The following MAGI2 variants were observed in gnomAD, a reference collection of about 807,000 sequenced individuals.
MAGI2 encodes the protein membrane-associated guanylate kinase, WW and PDZ domain-containing protein 2.
In MAGI2, 35 loss-of-function variants were observed where a neutral mutation model predicts 133.3. The observed-to-expected ratio is 0.26, with a 90% CI of 0.20 to 0.35. MAGI2 has a LOEUF of 0.35. Ranked by LOEUF, MAGI2 falls within the 10% of genes least tolerant of loss-of-function variation. The pLI, the probability that MAGI2 is intolerant of heterozygous loss-of-function variation, is 1.00. For synonymous variants in MAGI2, 729 were observed against 710.6 expected (o/e 1.03, Z -0.41); for missense variants, 1,636 against 1,863.4 (o/e 0.88, Z 2.25).
rs137889663 is a variant in MAGI2 at position 79,093,016 on chromosome 7, A to C, written c.302-85810T>G. ...GAAAACTCATAGTTGGCAAAAGATT[A>C]TTATGTCTTTAGATCAGGTATTATA... On this transcript the variant is annotated intron_variant, in intron 1 of 21. Coordinates refer to ENST00000354212, the MANE Select transcript of MAGI2 (RefSeq NM_012301.4). Among the ~76,000 whole-genome samples the C allele has an allele frequency of 3.0e-3, 454 of 152,322 alleles. 4 individuals carry two copies. Among genetic ancestry groups the C allele is most frequent in the African/African-American group, 0.01 (429 of 41,582 alleles).
rs1410995490 is a variant in MAGI2 at position 79,378,411 on chromosome 7, A to ATT, written c.301+74608_301+74609insAA. Among the ~76,000 whole-genome samples, 1,287 of 151,880 alleles carry ATT rather than the reference A, an allele frequency of 8.5e-3. 12 individuals are homozygous for ATT. Among genetic ancestry groups the ATT allele is most frequent in the African/African-American group, 0.03 (1,235 of 41,500 alleles). On this transcript the variant is annotated intron_variant, in intron 1 of 21. Transcript: ENST00000354212. ...GGACACTGAGATACTGGGAGGACAG[A>ATT]TGGCTTGACCAAAGTCATACAACTA...
intron 3 of MAGI2, among the ~76,000 whole-genome samples, chr7:78,582,412 G>T (rs1478409815): frequency 7.2e-5 from 11 of 152,152 alleles, no homozygotes; most frequent in Admixed American, 7.2e-4. Context: ...TAAAAGAAGG[G>T]AACAATTGCA....
chr7:79,198,177 C>T (rs1828258802), intron 1 of MAGI2, among the ~76,000 whole-genome samples: 2 of 151,866 alleles, frequency 1.3e-5, no homozygotes, highest in Non-Finnish European at 2.9e-5. Context: ...CACTTTAGCT[C>T]AGAAAGTTGA....
At chr7:79,178,046 A>G (rs1354042964) in intron 1 of MAGI2, among the ~76,000 whole-genome samples, 2 of 151,978 alleles carry the variant, frequency 1.3e-5, no homozygotes, top group Non-Finnish European at 2.9e-5. Context: ...TCCATCTATC[A>G]TATCTTCAAA....
At chr7:78,857,052 T>G (rs562465327) in intron 2 of MAGI2, among the ~76,000 whole-genome samples, 136 of 152,292 alleles carry the variant, frequency 8.9e-4, no homozygotes, top group African/African-American at 3.0e-3. Flanking sequence ...GGCTCTCTGT[T>G]TGTCTGTTAT....
rs187459057 is a variant in MAGI2 at position 78,612,917 on chromosome 7, G to A, written c.538+14203C>T. 6.7e-3 allele frequency among the ~76,000 whole-genome samples: 1,024 copies of A among 152,166 alleles called. 12 individuals carry two copies. The highest frequency in any genetic ancestry group is 0.018 in the African/African-American group (750 of 41,518). On this transcript the variant is annotated intron_variant, in intron 3 of 21. Transcript: ENST00000354212. ...GATCTCCTGACCTCGTGATCCGCCC[G>A]CCTCGGCCTCCCAAAGTGCTGGGAT...
At chr7:79,427,035 A>G (rs1311419995) in intron 1 of MAGI2, among the ~76,000 whole-genome samples, 1 of 152,174 alleles carries the variant, frequency 6.6e-6, no homozygotes, top group Non-Finnish European at 1.5e-5. Flanking sequence ...AAACTATAAA[A>G]TATTGTTATG....
chr7:79,275,621 A>G (rs138616037), intron 1 of MAGI2, among the ~76,000 whole-genome samples: 5 of 152,330 alleles, frequency 3.3e-5, no homozygotes, highest in African/African-American at 9.6e-5. Flanking sequence ...AGACAAAAAT[A>G]GCCTATTGGA....
intron 1 of MAGI2, among the ~76,000 whole-genome samples, chr7:79,376,579 C>T (rs1843392713): frequency 6.6e-6 from 1 of 151,740 alleles, no homozygotes; most frequent in African/African-American, 2.4e-5. Context: ...ATGTCAATGA[C>T]TAATGGGTGG....
intron 4 of MAGI2, chr7:78,519,104 G>A (rs114679176): frequency 0.09 from 12,776 of 142,338 alleles, 635 homozygotes; most frequent in Non-Finnish European, 0.12. Context: ...TGAAGAACAC[G>A]AAGGCAGGGC....
At chr7:79,079,919 TCTC>T (rs1276241841) in intron 1 of MAGI2, among the ~76,000 whole-genome samples, 2 of 152,144 alleles carry the variant, frequency 1.3e-5, no homozygotes, top group African/African-American at 4.8e-5. Context: ...GCTTTAGTCT[TCTC>T]CTTTAAAAAT....
At chr7:78,042,610 A>G (rs1022538784) in intron 21 of MAGI2, among the ~76,000 whole-genome samples, 4 of 152,246 alleles carry the variant, frequency 2.6e-5, no homozygotes, top group African/African-American at 7.2e-5. Context: ...TATTAGCAAA[A>G]TGTGAGTGAG....
intron 4 of MAGI2, among the ~76,000 whole-genome samples, chr7:78,514,044 C>G (rs189137170): frequency 7.2e-6 from 1 of 137,972 alleles, no homozygotes; most frequent in Non-Finnish European, 1.5e-5. Flanking sequence ...GCTGAGATCA[C>G]TCCATTACAC....
intron 9 of MAGI2, among the ~76,000 whole-genome samples, chr7:78,275,629 C>T (rs1794986092): frequency 6.6e-6 from 1 of 152,154 alleles, no homozygotes; most frequent in Admixed American, 6.5e-5. Flanking sequence ...AGGTCATAAA[C>T]ATCTAATATG....
rs142069876 is a variant in MAGI2 at position 79,300,922 on chromosome 7, C to G, written c.301+152098G>C. On this transcript the variant is annotated intron_variant, in intron 1 of 21. Coordinates refer to ENST00000354212, the MANE Select transcript of MAGI2 (RefSeq NM_012301.4). Reference sequence around the variant, plus strand: ...GCCTTAGCTCAAGGGGGTCCAGGTACAGCTCAGGCTGCAGCTCCAGAGGGT... The same window carrying G: ...GCCTTAGCTCAAGGGGGTCCAGGTAGAGCTCAGGCTGCAGCTCCAGAGGGT... Among the ~76,000 whole-genome samples the G allele has an allele frequency of 1.9e-3, 296 of 152,356 alleles. 1 individual carries two copies. Among genetic ancestry groups the G allele is most frequent in the East Asian group, 0.011 (58 of 5,174 alleles).
chr7:78,070,872 C>T (rs1274217415), intron 21 of MAGI2, among the ~76,000 whole-genome samples: 3 of 151,842 alleles, frequency 2.0e-5, no homozygotes, highest in African/African-American at 7.3e-5. Flanking sequence ...GGGGTTTCAC[C>T]ATGTTGGCCA....
chr7:78,338,270 T>C (rs571247849), intron 9 of MAGI2, among the ~76,000 whole-genome samples: 1 of 152,290 alleles, frequency 6.6e-6, no homozygotes, highest in South Asian at 2.1e-4. Flanking sequence ...CCGCTTTTTC[T>C]AGGCATTTCT....
intron 3 of MAGI2, among the ~76,000 whole-genome samples, chr7:78,590,254 G>A (rs559310983): frequency 1.1e-4 from 17 of 152,280 alleles, no homozygotes; most frequent in African/African-American, 4.1e-4. Context: ...GAGTGCCCTG[G>A]AACGCTAATT....
At chr7:78,656,348 G>A (rs146492231) in intron 2 of MAGI2, among the ~76,000 whole-genome samples, 156 of 152,312 alleles carry the variant, frequency 1.0e-3, no homozygotes, top group African/African-American at 3.6e-3. Flanking sequence ...ACAATGAAAT[G>A]TTATTCATCC....
Sources: allele counts gnomAD v4.1 joint callset (sites outside exome capture counted in the v4.1 genomes callset), GRCh38; gene constraint gnomAD v4.1.1; transcripts MANE v1.5; gene names NCBI Gene and HGNC (gene_info 2026-07-23, HGNC 2026-07-21).